Variants in MATR3 observed in about 807,000 individuals in gnomAD.
MATR3 encodes the protein matrin 3.
A neutral mutation model predicts 85.5 loss-of-function variants in MATR3; 4 were observed. The ratio of observed to expected loss-of-function variants is 0.05; its 90% confidence interval spans 0.02 to 0.11. The LOEUF (loss-of-function observed/expected upper bound fraction) is 0.11. Among genes scored for constraint, MATR3 ranks in the 10% least tolerant of loss-of-function variants. The pLI, the probability that MATR3 is intolerant of heterozygous loss-of-function variation, is 1.00. For synonymous variants in MATR3, 336 were observed against 343.1 expected, an observed-to-expected ratio of 0.98 and a Z score of 0.23; for missense variants, 685 against 1,016.1, an observed-to-expected ratio of 0.67 and a Z score of 4.43.
Position 139,326,205 on chromosome 5 carries a change from T to C in MATR3, c.2414T>C (p.Leu805Pro). Residue 805 changes from leucine to proline, a missense_variant, in exon 14 of 15, where the codon CTG becomes CCG. Leu to Pro is a moderately conservative substitution (Grantham distance 98, BLOSUM62 -3). Around this residue, in one of 9 missense-constraint regions of MATR3, gnomAD observed 45 missense variants for 82.5 expected, o/e 0.55. Transcript: ENST00000394805. Reference sequence around the variant, plus strand: ...CCTAAAACAGGGTTTTACTGTAAGCTGTGTTCACTCTTTTATACAAATGAA... The same window carrying C: ...CCTAAAACAGGGTTTTACTGTAAGCCGTGTTCACTCTTTTATACAAATGAA... ...VIPKTGFYCKLCSLFYTNEEV... is the reference protein window; with the variant it reads ...VIPKTGFYCKPCSLFYTNEEV... The C allele has an allele frequency of 1.9e-6, 3 of 1,611,458 alleles. No individual in the cohort carries two copies. The highest frequency in any genetic ancestry group is 2.5e-6 in the Non-Finnish European group (3 of 1,178,076).
intron 3 of MATR3, among the ~76,000 whole-genome samples, chr5:139,286,616 G>A (rs571493393): frequency 3.3e-5 from 5 of 151,698 alleles, no homozygotes; most frequent in African/African-American, 4.8e-5. Context: ...AGGCTGAGGC[G>A]GGCAAATCGC....
chr5:139,321,568 A>G (rs558046950), intron 9 of MATR3, among the ~76,000 whole-genome samples: 14 of 152,194 alleles, frequency 9.2e-5, no homozygotes, highest in Non-Finnish European at 2.1e-4. Context: ...GGATTGCCTG[A>G]GTCCAGGAGC....
intron 3 of MATR3, among the ~76,000 whole-genome samples, chr5:139,288,205 T>C (rs1176146446): frequency 6.6e-6 from 1 of 151,932 alleles, no homozygotes; most frequent in Non-Finnish European, 1.5e-5. Context: ...CACGAGACCC[T>C]GTCTCAAAAA....
chr5:139,287,749 AAATGTG>A (rs775850887), intron 3 of MATR3, among the ~76,000 whole-genome samples: 7 of 152,192 alleles, frequency 4.6e-5, no homozygotes, highest in Non-Finnish European at 8.8e-5. Flanking sequence ...TCCCACACCC[AAATGTG>A]AATACAGCTT....
chr5:139,294,046 GA>G lies in MATR3; in HGVS notation c.-178+244del, dbSNP rs1313880261. ...CGGCGGAGGTGAGCGGTCCGGGAGG[GA>G]AACACGCGGCCGGCCAAGGGCCCAG... On this transcript the variant is annotated intron_variant, in intron 1 of 14. Transcript: ENST00000394805. 7 of 1,245,496 alleles carry G rather than the reference GA, an allele frequency of 5.6e-6. No homozygotes were observed. In the East Asian group the frequency reaches 1.9e-4, roughly 33 times the overall value. The allele number at this position is 1,245,496 out of a possible 1,614,324, so 77.2% of individuals were successfully genotyped here. A position where few individuals can be genotyped will look rare whatever the true frequency, so the allele number is the denominator to read the frequency against.
At chr5:139,293,257 T>A (rs1753943767), upstream of MATR3, 1 of 152,020 alleles carries the variant, frequency 6.6e-6, no homozygotes, top group African/African-American at 2.4e-5. Context: ...TTATTTATGA[T>A]AAATAAATAA....
At chr5:139,321,491 T>A (rs535561718) in intron 9 of MATR3, among the ~76,000 whole-genome samples, 1 of 152,234 alleles carries the variant, frequency 6.6e-6, no homozygotes, top group South Asian at 2.1e-4. Context: ...TGCTAAAGAT[T>A]AAAATTTTTA....
At chr5:139,316,019 A>G (rs1365094673) in intron 4 of MATR3, 57 bp from the exon 5 acceptor site, 1 of 1,302,552 alleles carries the variant, frequency 7.7e-7, no homozygotes, top group Non-Finnish European at 1.1e-6. Context: ...TTTAATCTTA[A>G]TTCTTTCCAA....
At chr5:139,317,198 C>A in intron 6 of MATR3, 93 bp downstream of exon 6, 1 of 1,169,330 alleles carries the variant, frequency 8.6e-7, no homozygotes, top group African/African-American at 1.5e-5. Context: ...TATCGTGGTC[C>A]TTATGGGAAC....
Position 139,307,411 on chromosome 5 carries a change from C to G in MATR3, c.-5C>G, listed in dbSNP as rs375381025. 68 of 1,612,736 alleles carry G rather than the reference C, an allele frequency of 4.2e-5. No individual in the cohort carries two copies. Among genetic ancestry groups the G allele is most frequent in the Non-Finnish European group, 5.4e-5 (64 of 1,179,326 alleles). On this transcript the variant is annotated 5_prime_UTR_variant, in exon 2 of 15. Transcript: ENST00000394805. This position sits in a 1 kb window ranked among gnomAD's most constrained non-coding sequence, Gnocchi z 4.4. ...TCTATAAAATAGACAAGAGCTAGTT[C>G]TACAATGTCCAAGTCATTCCAGCAG... is the stretch of plus-strand genomic sequence containing the variant.
At chr5:139,280,852 A>G (rs925244211) in intron 3 of MATR3, among the ~76,000 whole-genome samples, 2 of 126,976 alleles carry the variant, frequency 1.6e-5, no homozygotes, top group Non-Finnish European at 3.4e-5. Context: ...GTATTCCTGT[A>G]TTCAATATCC....
In MATR3 at chr5:139,278,706, A is replaced by G. The variant is rs1581196710; in HGVS notation, c.-256-345A>G. ...CTTCCACGCCTGTTTTGCAGTCAAT[A>G]TTCAACTGATACGTCTTCTACCTGG... On this transcript the variant is annotated intron_variant, in intron 2 of 16. Transcript: ENST00000509990. The G allele has an allele frequency of 1.1e-5, 5 of 463,334 alleles. No individual in the cohort carries two copies. In the East Asian group the frequency reaches 2.8e-4, roughly 26 times the overall value. 28.7% of individuals were successfully genotyped at this position (463,334 alleles called of 1,614,324 possible).
intron 14 of MATR3, among the ~76,000 whole-genome samples, chr5:139,326,946 A>G (rs1755881198): frequency 6.6e-6 from 1 of 152,202 alleles, no homozygotes; most frequent in African/African-American, 2.4e-5. Flanking sequence ...TCATATTAAA[A>G]TAATTTTTAA....
At chr5:139,303,226 CACGTAGGTGGGACT>C (rs1754543083) in intron 1 of MATR3, among the ~76,000 whole-genome samples, 1 of 152,130 alleles carries the variant, frequency 6.6e-6, no homozygotes, top group Non-Finnish European at 1.5e-5. Context: ...CTTAGCCTCC[CACGTAGGTGGGACT>C]ACAGGTGCGT....
exon 3 of MATR3, chr5:139,279,066 T>C (rs1039696718): frequency 2.2e-6 from 1 of 464,252 alleles, no homozygotes; most frequent in South Asian, 1.5e-5. Flanking sequence ...TTCACCTGAA[T>C]GACATCTACC....
rs192212992 is a variant in MATR3, at chr5:139,298,548, G to A, written c.-178+4743G>A. ...CGTGCCACTGCACTCCAAGGCTGGT[G>A]ACAGAGCAAGACTGTCTCAAAAAGA... On this transcript the variant is annotated intron_variant, in intron 1 of 14. Coordinates refer to ENST00000394805, the MANE Select transcript of MATR3 (RefSeq NM_018834.6). 9.8e-5 allele frequency among the ~76,000 whole-genome samples: 15 copies of A among 152,312 alleles called. 1 individual carries two copies. In the East Asian group the frequency reaches 2.1e-3, roughly 22 times the overall value.
chr5:139,309,042 TAAAC>T (rs1754841748), intron 2 of MATR3, among the ~76,000 whole-genome samples: 1 of 152,220 alleles, frequency 6.6e-6, no homozygotes, highest in African/African-American at 2.4e-5. Flanking sequence ...GTGTTCCTCA[TAAAC>T]AAATTCTTTT....
intron 1 of MATR3, among the ~76,000 whole-genome samples, chr5:139,295,162 T>G (rs1754078555): frequency 6.6e-6 from 1 of 152,232 alleles, no homozygotes; most frequent in Non-Finnish European, 1.5e-5. Context: ...TGTTTAAAAT[T>G]TCCCTTTAAA....
intron 1 of MATR3, among the ~76,000 whole-genome samples, chr5:139,304,534 T>C (rs1406434909): frequency 6.6e-6 from 1 of 151,958 alleles, no homozygotes; most frequent in African/African-American, 2.4e-5. Context: ...TTATCAAGAT[T>C]GTAGTAAATG....
Sources: gnomAD v4.1 joint callset for allele counts (sites outside exome capture counted in the v4.1 genomes callset) on GRCh38, gnomAD v4.1.1 for gene constraint, gnomAD v4.1.1 regional missense constraint, Gnocchi (gnomAD v3.1) non-coding constraint, MANE v1.5 for transcripts, NCBI Gene and HGNC (gene_info 2026-07-23, HGNC 2026-07-21) for gene names.